Variants in RBFOX1 observed in about 807,000 individuals in gnomAD.
The protein encoded by RBFOX1 is RNA binding fox-1 homolog 1.
In RBFOX1, 8 loss-of-function variants were observed where a neutral mutation model predicts 57.7. The ratio of observed to expected loss-of-function variants is 0.14; its 90% CI spans 0.08 to 0.25. The LOEUF (loss-of-function observed/expected upper bound fraction) is 0.25, where lower values mean the gene tolerates loss of function less well. RBFOX1 is among the 10% of genes least tolerant of loss of function. The pLI, the probability that RBFOX1 is intolerant of heterozygous loss-of-function variation, is 1.00. For synonymous variants in RBFOX1, 326 were observed against 222.4 expected, an observed-to-expected ratio of 1.47 and a Z score of -4.15; for missense variants, 611 against 548.5, an observed-to-expected ratio of 1.11 and a Z score of -1.14.
At chr16:7,167,977 G>C (rs1401768329) in intron 4 of RBFOX1, among the ~76,000 whole-genome samples, 3 of 152,174 alleles carry the variant, frequency 2.0e-5, no homozygotes, top group African/African-American at 4.8e-5. Flanking sequence ...TAACAGCGCA[G>C]AACCACACAA....
chr16:5,628,937 G>A (rs891655975), intron 3 of RBFOX1, among the ~76,000 whole-genome samples: 7 of 152,198 alleles, frequency 4.6e-5, no homozygotes, highest in Admixed American at 3.9e-4. Flanking sequence ...TTGTAGCTTT[G>A]TGTGGATAGC....
intron 3 of RBFOX1, among the ~76,000 whole-genome samples, chr16:6,919,023 C>T (rs1291224278): frequency 2.6e-5 from 4 of 152,142 alleles, no homozygotes; most frequent in Non-Finnish European, 5.9e-5. Context: ...CTCATTCATC[C>T]AGGCTGGAGT....
intron 2 of RBFOX1, among the ~76,000 whole-genome samples, chr16:6,345,511 G>A (rs115459641): frequency 2.2e-3 from 336 of 152,218 alleles, no homozygotes; most frequent in African/African-American, 7.7e-3. Flanking sequence ...CCCTGTTTTA[G>A]CGAGTCCTCT....
chr16:6,890,518 CAAA>C (rs2065160015), intron 3 of RBFOX1, among the ~76,000 whole-genome samples: 1 of 118,996 alleles, frequency 8.4e-6, no homozygotes, highest in African/African-American at 3.2e-5. Context: ...GACTCCATCT[CAAA>C]ACAAACAAAC....
chr16:6,172,042 C>T (rs1448923648), intron 1 of RBFOX1, among the ~76,000 whole-genome samples: 2 of 151,996 alleles, frequency 1.3e-5, no homozygotes, highest in Admixed American at 6.6e-5. Flanking sequence ...AGGATAGTCT[C>T]GATCTCCTGA....
chr16:5,955,005 A>AC (rs2059595230), intron 4 of RBFOX1, among the ~76,000 whole-genome samples: 1 of 150,028 alleles, frequency 6.7e-6, no homozygotes, highest in South Asian at 2.1e-4. Context: ...TTCTAGCTGG[A>AC]CGTGGCAGCT....
At chr16:7,450,266 C>T (rs777836399) in intron 4 of RBFOX1, among the ~76,000 whole-genome samples, 9 of 151,844 alleles carry the variant, frequency 5.9e-5, no homozygotes, top group South Asian at 2.1e-4. Context: ...TGGTGACATA[C>T]GCCTGTAATC....
chr16:6,451,381 T>G (rs1013421761), intron 2 of RBFOX1, among the ~76,000 whole-genome samples: 26 of 152,194 alleles, frequency 1.7e-4, no homozygotes, highest in Admixed American at 9.2e-4. Flanking sequence ...TTTAGATGAT[T>G]TTTTTGACTT....
chr16:5,867,445 G>A, intron 4 of RBFOX1: 1 of 798,764 alleles, frequency 1.3e-6, no homozygotes, highest in Non-Finnish European at 1.7e-6. Context: ...TTCATTTCCT[G>A]GTGGCTTGGA....
chr16:6,054,566 C>A (rs1170035695), intron 1 of RBFOX1, among the ~76,000 whole-genome samples: 11 of 152,016 alleles, frequency 7.2e-5, no homozygotes, highest in Non-Finnish European at 1.5e-4. Flanking sequence ...GGGTTGACAC[C>A]CTGACCATGA....
At chr16:7,156,776 T>G (rs893248360) in intron 4 of RBFOX1, among the ~76,000 whole-genome samples, 1 of 152,190 alleles carries the variant, frequency 6.6e-6, no homozygotes, top group Non-Finnish European at 1.5e-5. Context: ...CTTCAAACAC[T>G]GCATCTGTGT....
At chr16:6,181,757 G>C (rs2097064954) in intron 1 of RBFOX1, among the ~76,000 whole-genome samples, 1 of 152,080 alleles carries the variant, frequency 6.6e-6, no homozygotes, top group Non-Finnish European at 1.5e-5. Context: ...AGTGGGTATG[G>C]AGAACATTAT....
intron 2 of RBFOX1, among the ~76,000 whole-genome samples, chr16:6,621,735 C>G (rs909372864): frequency 2.0e-5 from 3 of 152,254 alleles, no homozygotes; most frequent in Admixed American, 2.0e-4. Flanking sequence ...ATCACCTGGC[C>G]TGACTCACAG....
At chr16:6,768,423 A>G (rs141952011) in intron 3 of RBFOX1, among the ~76,000 whole-genome samples, 1 of 152,154 alleles carries the variant, frequency 6.6e-6, no homozygotes, top group African/African-American at 2.4e-5. Flanking sequence ...CAAATCAAAC[A>G]TATAAGAGTG....
At chr16:6,608,638 G>C (rs1004607412) in intron 2 of RBFOX1, among the ~76,000 whole-genome samples, 1 of 152,176 alleles carries the variant, frequency 6.6e-6, no homozygotes, top group African/African-American at 2.4e-5. Context: ...AAATTAACTA[G>C]TCATGGCGGC....
At chr16:7,431,531 C>T (rs1540349) in intron 4 of RBFOX1, among the ~76,000 whole-genome samples, 59,132 of 152,116 alleles carry the variant, frequency 0.39, 15,858 homozygotes, top group African/African-American at 0.76. Flanking sequence ...TGAGCCACCG[C>T]GCCACTGTGC....
chr16:5,966,994 G>GT (rs2059857525), intron 4 of RBFOX1, among the ~76,000 whole-genome samples: 1 of 133,724 alleles, frequency 7.5e-6, no homozygotes, highest in African/African-American at 3.0e-5. Flanking sequence ...ACTAAATCGG[G>GT]GGGGGGGGGG....
intron 3 of RBFOX1, among the ~76,000 whole-genome samples, chr16:5,745,441 C>G (rs1010375741): frequency 1.3e-5 from 2 of 152,180 alleles, no homozygotes; most frequent in Non-Finnish European, 2.9e-5. Context: ...GATTTACAAT[C>G]CTTTCAGTAT....
At chr16:6,530,785 T>C (rs1599017344) in intron 2 of RBFOX1, among the ~76,000 whole-genome samples, 1 of 147,650 alleles carries the variant, frequency 6.8e-6, no homozygotes, top group Non-Finnish European at 1.5e-5. Flanking sequence ...ACTTATTCAC[T>C]ATCACTAAAA....
Sources: gnomAD v4.1 joint callset for allele counts (sites outside exome capture counted in the v4.1 genomes callset) on GRCh38, gnomAD v4.1.1 for gene constraint, MANE v1.5 for transcripts, NCBI Gene and HGNC (gene_info 2026-07-23, HGNC 2026-07-21) for gene names.